SLIT1: variants seen among roughly 807,000 people sequenced by gnomAD.
SLIT1 encodes the protein slit guidance ligand 1.
A neutral mutation model predicts 186.1 loss-of-function variants in SLIT1; 66 were observed. The ratio of observed to expected loss-of-function variants is 0.35; its 90% CI spans 0.29 to 0.44. SLIT1 has a LOEUF of 0.44. Among genes scored for constraint, SLIT1 ranks in the 20% least tolerant of loss-of-function variants. The pLI is 1.00. For missense variants in SLIT1, 1,638 were observed against 2,037.4 expected (o/e 0.80, Z 3.77); for synonymous variants, 761 against 833.8 (o/e 0.91, Z 1.50).
chr10:97,178,284 C>T (rs778168171), intron 1 of SLIT1, among the ~76,000 whole-genome samples: 1 of 152,208 alleles, frequency 6.6e-6, no homozygotes, highest in African/African-American at 2.4e-5. Context: ...ACTGACATCA[C>T]GTGCCTTCTG....
At chr10:97,063,845 C>T (rs905133462) in intron 7 of SLIT1, among the ~76,000 whole-genome samples, 3 of 152,158 alleles carry the variant, frequency 2.0e-5, no homozygotes, top group Non-Finnish European at 4.4e-5. Context: ...ACAGCTGGAC[C>T]GGAATGTACC....
rs373957620 is a variant in SLIT1 at position 97,064,259 on chromosome 10, G to A, written c.558-20C>T. The A allele has an allele frequency of 2.0e-5, 32 of 1,604,796 alleles. No individual in the cohort carries two copies. The highest frequency in any genetic ancestry group is 2.4e-5 in the Non-Finnish European group (28 of 1,172,558). ...AGGGTCCTAAATGGGAAAAACCAGA[G>A]TCATTTAGCACCTGCCCAGCAGGAG... On this transcript the variant is annotated intron_variant, in intron 6 of 36. Coordinates refer to ENST00000266058, the MANE Select transcript of SLIT1 (RefSeq NM_003061.3).
chr10:97,177,715 C>G (rs1419594925), intron 1 of SLIT1, among the ~76,000 whole-genome samples: 2 of 152,186 alleles, frequency 1.3e-5, no homozygotes, highest in Non-Finnish European at 2.9e-5. Flanking sequence ...GTGGCTCACG[C>G]CTGTAATCCC....
Position 97,011,042 on chromosome 10 carries a change from A to G in SLIT1, c.3292T>C (p.Cys1098Arg), listed in dbSNP as rs1320530825. The change falls in exon 31 of 37, where the codon TGT becomes CGT. Residue 1098 changes from cysteine (C) to arginine (R), a missense_variant. Transcript: ENST00000266058. ...GAGTAGCTGTTGACTTCATCCATAC[A>G]CTGGGCCCCATTCTGGCAGCGGTGG... ...RDHRCQNGAQ[C>R]MDEVNSYSCL... 2 of 1,613,912 alleles carry G rather than the reference A, an allele frequency of 1.2e-6. No individual in the cohort carries two copies. The highest frequency in any genetic ancestry group is 2.2e-5 in the South Asian group (2 of 91,068).
At chr10:97,023,716 G>A (rs1848520747) in intron 25 of SLIT1, among the ~76,000 whole-genome samples, 1 of 152,186 alleles carries the variant, frequency 6.6e-6, no homozygotes, top group Non-Finnish European at 1.5e-5. Context: ...GCCGAGGCAG[G>A]CAGATCACCT....
At chr10:97,018,952 C>T (rs1564654679) in intron 27 of SLIT1, 31 bp downstream of exon 27, 1 of 1,408,742 alleles carries the variant, frequency 7.1e-7, no homozygotes, top group Non-Finnish European at 1.0e-6. Context: ...ACGAAGAGCC[C>T]TCCTCCTCCC....
rs528866706 is a variant in SLIT1 at position 97,017,002 on chromosome 10, G to C, written c.2969+1584C>G. Among the ~76,000 whole-genome samples the C allele has an allele frequency of 1.2e-4, 19 of 152,348 alleles. 1 individual carries two copies. In the South Asian group the frequency reaches 3.7e-3, roughly 30 times the overall value. On this transcript the variant is annotated intron_variant, in intron 28 of 36. Coordinates refer to ENST00000266058, the MANE Select transcript of SLIT1 (RefSeq NM_003061.3). ...GGGTAGCGGGAGTAGACACAGGTCAGGGGATAACAGGTGCCCCAGAGAGCC... is the reference window on the plus strand; with the variant it reads ...GGGTAGCGGGAGTAGACACAGGTCACGGGATAACAGGTGCCCCAGAGAGCC...
chr10:97,114,948 G>T (rs1849496138), intron 4 of SLIT1, among the ~76,000 whole-genome samples: 1 of 152,184 alleles, frequency 6.6e-6, no homozygotes, highest in Non-Finnish European at 1.5e-5. Flanking sequence ...CTTAGCACAT[G>T]ATAAATGGCA....
intron 4 of SLIT1, among the ~76,000 whole-genome samples, chr10:97,120,921 A>G (rs145995821): frequency 1.3e-5 from 2 of 152,310 alleles, no homozygotes; most frequent in African/African-American, 4.8e-5. Context: ...AGAAGGGTTC[A>G]TTCAAGCTTG....
At chr10:97,023,734 G>A (rs1022079341) in intron 25 of SLIT1, among the ~76,000 whole-genome samples, 1 of 152,188 alleles carries the variant, frequency 6.6e-6, no homozygotes, top group African/African-American at 2.4e-5. Context: ...CCTCAGGTCA[G>A]GAGTTCGAGA....
intron 4 of SLIT1, among the ~76,000 whole-genome samples, chr10:97,128,433 C>T (rs748581386): frequency 1.8e-4 from 27 of 152,242 alleles, no homozygotes; most frequent in Non-Finnish European, 2.8e-4. Flanking sequence ...TCCCACTCCT[C>T]TTCAGCAAAG....
chr10:97,013,430 T>G (rs533761902), intron 30 of SLIT1, among the ~76,000 whole-genome samples: 1 of 152,274 alleles, frequency 6.6e-6, no homozygotes, highest in South Asian at 2.1e-4. Context: ...ATGCATTTTC[T>G]CATCTTACCC....
intron 20 of SLIT1, among the ~76,000 whole-genome samples, chr10:97,040,732 C>T (rs550046074): frequency 5.3e-5 from 8 of 152,248 alleles, no homozygotes; most frequent in East Asian, 3.9e-4. Flanking sequence ...GTCTGGCTGC[C>T]GCAAAATCCG....
intron 1 of SLIT1, among the ~76,000 whole-genome samples, chr10:97,171,270 A>C (rs1850184930): frequency 6.6e-6 from 1 of 151,924 alleles, no homozygotes; most frequent in African/African-American, 2.4e-5. Flanking sequence ...ACAGAGGCCT[A>C]ACACCCCAAT....
At chr10:97,172,327 T>G (rs1403870336) in intron 1 of SLIT1, among the ~76,000 whole-genome samples, 1 of 152,190 alleles carries the variant, frequency 6.6e-6, no homozygotes, top group Admixed American at 6.5e-5. Flanking sequence ...ATTACAAGCA[T>G]GAGCCACCTC....
intron 28 of SLIT1, among the ~76,000 whole-genome samples, chr10:97,017,589 CAGGGCAGGG>C (rs1196856698): frequency 9.2e-4 from 140 of 152,180 alleles, no homozygotes; most frequent in Non-Finnish European, 1.6e-3. Flanking sequence ...ATGGGCTGCT[CAGGGCAGGG>C]CCGGAGGGCT....
Position 97,104,710 on chromosome 10 carries a change from G to A in SLIT1, c.414-38624C>T, listed in dbSNP as rs560004079. 7.2e-5 allele frequency among the ~76,000 whole-genome samples: 11 copies of A among 151,968 alleles called. No homozygotes were observed. The East Asian group carries it at 1.5e-3, about 21-fold the overall frequency. On this transcript the variant is annotated intron_variant, in intron 4 of 36. Transcript: ENST00000266058. ...TCCCTGAATCCACACATCTTCCCTC[G>A]TCTTTGCTTTCACCTGTGCAAGTTC...
At chr10:97,089,790 A>C (rs970484310) in intron 4 of SLIT1, among the ~76,000 whole-genome samples, 1 of 152,136 alleles carries the variant, frequency 6.6e-6, no homozygotes, top group East Asian at 1.9e-4. Context: ...TGTCTCGTAC[A>C]TCACAAATCC....
intron 1 of SLIT1, among the ~76,000 whole-genome samples, chr10:97,166,054 T>C (rs1850100652): frequency 6.6e-6 from 1 of 151,980 alleles, no homozygotes; most frequent in Admixed American, 6.6e-5. Context: ...ACTCGCCTGC[T>C]CCTCTTCCTC....
Sources: allele counts gnomAD v4.1 joint callset (sites outside exome capture counted in the v4.1 genomes callset), GRCh38; gene constraint gnomAD v4.1.1; transcripts MANE v1.5; gene names NCBI Gene and HGNC (gene_info 2026-07-23, HGNC 2026-07-21).